Variants in AGPAT3 observed in about 807,000 individuals in gnomAD.
The protein encoded by AGPAT3 is 1-acylglycerol-3-phosphate O-acyltransferase 3.
In AGPAT3, 5 loss-of-function variants were observed where a neutral mutation model predicts 47.3. The observed-to-expected ratio is 0.11, with a 90% CI of 0.06 to 0.22. The LOEUF (loss-of-function observed/expected upper bound fraction) is 0.22, where lower values mean the gene tolerates loss of function less well. Ranked by LOEUF, AGPAT3 falls within the 10% of genes least tolerant of loss-of-function variation. The pLI, the probability that AGPAT3 is intolerant of heterozygous loss-of-function variation, is 1.00. For synonymous variants in AGPAT3, 212 were observed against 208.3 expected (o/e 1.02, Z -0.15); for missense variants, 315 against 493.0 (o/e 0.64, Z 3.42).
intron 1 of AGPAT3, among the ~76,000 whole-genome samples, chr21:43,895,559 C>G (rs1163118229): frequency 7.5e-6 from 1 of 133,260 alleles, no homozygotes; most frequent in Non-Finnish European, 1.6e-5. Context: ...TTTTTGAATT[C>G]CTCTTTTGAA....
rs537061535 is a variant in AGPAT3, at chr21:43,873,192, A to C, written c.-112+7847A>C. 2.0e-5 allele frequency among the ~76,000 whole-genome samples: 3 copies of C among 152,278 alleles called. No homozygotes were observed. In the South Asian group the frequency reaches 6.2e-4, roughly 32 times the overall value. Reference sequence around the variant, plus strand: ...TCATAGTGGCATGGGTGTTGGAGTCAGACCCCGGGAGCTCTCTCAATGCCT... The same window carrying C: ...TCATAGTGGCATGGGTGTTGGAGTCCGACCCCGGGAGCTCTCTCAATGCCT... On this transcript the variant is annotated intron_variant, in intron 1 of 9. Coordinates refer to ENST00000291572, the MANE Select transcript of AGPAT3 (RefSeq NM_020132.5).
chr21:43,973,212 A>C (rs2089468523), intron 7 of AGPAT3, among the ~76,000 whole-genome samples: 1 of 152,230 alleles, frequency 6.6e-6, no homozygotes, highest in African/African-American at 2.4e-5. Context: ...ACGAGCTGAG[A>C]GTTCTCTCCC....
At chr21:43,884,302 C>T (rs948153547) in intron 1 of AGPAT3, among the ~76,000 whole-genome samples, 3 of 143,454 alleles carry the variant, frequency 2.1e-5, no homozygotes, top group Non-Finnish European at 4.6e-5. Context: ...TTCTCTCCTG[C>T]TGAGGGCATT....
intron 1 of AGPAT3, among the ~76,000 whole-genome samples, chr21:43,874,424 T>A (rs2011222537): frequency 6.6e-6 from 1 of 152,262 alleles, no homozygotes; most frequent in African/African-American, 2.4e-5. Flanking sequence ...GTTCAGCATT[T>A]TACAATTTTA....
At chr21:43,943,035 A>C (rs1421724198) in intron 2 of AGPAT3, among the ~76,000 whole-genome samples, 1 of 152,154 alleles carries the variant, frequency 6.6e-6, no homozygotes, top group Admixed American at 6.5e-5. Context: ...CTGGGTGGCC[A>C]GGGTGCATGG....
intron 2 of AGPAT3, among the ~76,000 whole-genome samples, chr21:43,918,976 G>A (rs1461262040): frequency 2.6e-5 from 4 of 151,872 alleles, no homozygotes; most frequent in East Asian, 1.9e-4. Context: ...CATCACCATC[G>A]TTATTACTTA....
chr21:43,981,059 C>T lies in AGPAT3; in HGVS notation c.914C>T (p.Pro305Leu), dbSNP rs143530606. Residue 305 changes from proline (P) to leucine (L), a missense_variant, in exon 9 of 10, where the codon CCG (proline) becomes CTG (leucine). Coordinates refer to ENST00000291572, the MANE Select transcript of AGPAT3 (RefSeq NM_020132.5). The surrounding 1 kb of genome is among the most constrained non-coding windows in gnomAD (Gnocchi z 5.3). Reference sequence around the variant, plus strand: ...GAGCAGTTTAAGCCTGCCCGGAGGCCGTGGACCCTCCTGAACTTCCTGTCC... The same window carrying T: ...GAGCAGTTTAAGCCTGCCCGGAGGCTGTGGACCCTCCTGAACTTCCTGTCC... ...PGEQFKPARR[P>L]WTLLNFLSWA... is the part of the protein sequence containing the mutation. 60 of 1,614,072 alleles carry T rather than the reference C, an allele frequency of 3.7e-5. No homozygotes were observed. In the African/African-American group the frequency reaches 5.7e-4, roughly 15 times the overall value.
rs1012839600 is a variant in AGPAT3, at chr21:43,934,430, C to T, written c.-48-25204C>T. ...CCGTCGGCTGCCTGGCCCTGGCCTG[C>T]GTGGCAGCGCAACCTCGTTGGTAGA... On this transcript the variant is annotated intron_variant, in intron 2 of 9. Transcript: ENST00000291572. The surrounding 1 kb of genome is among the most constrained non-coding windows in gnomAD (Gnocchi z 4.7). 2.6e-5 allele frequency among the ~76,000 whole-genome samples: 4 copies of T among 152,248 alleles called. No individual in the cohort carries two copies. The highest frequency in any genetic ancestry group is 1.9e-4 in the East Asian group (1 of 5,202).
rs1422798346 is a variant in AGPAT3, at chr21:43,985,283, A to G, written c.*2891A>G. 4.4e-6 allele frequency: 2 copies of G among 451,818 alleles called. No individual in the cohort carries two copies. Among genetic ancestry groups the G allele is most frequent in the Admixed American group, 2.4e-5 (1 of 42,196 alleles). 28.0% of individuals were successfully genotyped at this position (451,818 alleles called of 1,614,324 possible). A position where few individuals can be genotyped will look rare whatever the true frequency, so the allele number is the denominator to read the frequency against. ...CGACAGTGTACCAGACGCGCACCCT[A>G]TGTGAGGTGCTTTAAGGTCCCTGTC... On this transcript the variant is annotated 3_prime_UTR_variant, in exon 10 of 10. Coordinates refer to ENST00000291572, the MANE Select transcript of AGPAT3 (RefSeq NM_020132.5).
intron 1 of AGPAT3, among the ~76,000 whole-genome samples, chr21:43,891,859 C>T (rs888604789): frequency 6.6e-6 from 1 of 152,180 alleles, no homozygotes; most frequent in Admixed American, 6.5e-5. Flanking sequence ...GACCCCCTCC[C>T]ATGAATCATG....
At chr21:43,975,487 C>T (rs942388975) in intron 7 of AGPAT3, among the ~76,000 whole-genome samples, 1 of 152,072 alleles carries the variant, frequency 6.6e-6, no homozygotes, top group African/African-American at 2.4e-5. Context: ...GGTGAGGATC[C>T]ATAGGTGGAA....
chr21:43,871,581 C>T (rs2085625240), intron 1 of AGPAT3, among the ~76,000 whole-genome samples: 1 of 152,190 alleles, frequency 6.6e-6, no homozygotes, highest in African/African-American at 2.4e-5. Context: ...TGTTGATTTT[C>T]GCAAAGCTGG....
chr21:43,887,862 C>A (rs1223575861), intron 1 of AGPAT3, among the ~76,000 whole-genome samples: 1 of 152,108 alleles, frequency 6.6e-6, no homozygotes, highest in Non-Finnish European at 1.5e-5. Context: ...CCATGTTGGC[C>A]AGGCTGGTCT....
chr21:43,901,220 C>T (rs1027887647), intron 1 of AGPAT3, among the ~76,000 whole-genome samples: 10 of 150,948 alleles, frequency 6.6e-5, no homozygotes, highest in African/African-American at 1.7e-4. Flanking sequence ...AGCTACTCAA[C>T]GGCAGAGGCA....
chr21:43,865,838 C>T (rs926638593), intron 1 of AGPAT3, among the ~76,000 whole-genome samples: 2 of 152,152 alleles, frequency 1.3e-5, no homozygotes, highest in East Asian at 3.9e-4. Context: ...ACCCGGGACC[C>T]CCCCCAGGGG....
In AGPAT3 at chr21:43,902,867, G is replaced by A. The variant is rs151221011; in HGVS notation, c.-111-1090G>A. The stretch of plus-strand genomic sequence containing the variant: ...TTTAAAAAATTATCTGGGCATGGTG[G>A]CATGCACCTGTAGTCCTAGCTACTT... On this transcript the variant is annotated intron_variant, in intron 1 of 9. Coordinates refer to ENST00000291572, the MANE Select transcript of AGPAT3 (RefSeq NM_020132.5). Among the ~76,000 whole-genome samples, 501 of 152,292 alleles carry A rather than the reference G, an allele frequency of 3.3e-3. 4 individuals carry two copies. The highest frequency in any genetic ancestry group is 3.5e-3 in the Non-Finnish European group (238 of 68,018).
rs116417288 is a variant in AGPAT3 at position 43,889,241 on chromosome 21, G to C, written c.-111-14716G>C. ...TTGGCGACAGAGGGTCCTCACCAAA[G>C]GGAAACCTTCCTTGTTACACTGCTA... On this transcript the variant is annotated intron_variant, in intron 1 of 9. Transcript: ENST00000291572. Among the ~76,000 whole-genome samples, 369 of 151,704 alleles carry C rather than the reference G, an allele frequency of 2.4e-3. 2 individuals carry two copies. The highest frequency in any genetic ancestry group is 8.0e-3 in the African/African-American group (332 of 41,380).
At chr21:43,895,674 A>C (rs527575621) in intron 1 of AGPAT3, among the ~76,000 whole-genome samples, 1 of 152,112 alleles carries the variant, frequency 6.6e-6, no homozygotes, top group East Asian at 1.9e-4. Flanking sequence ...TGCAACCTCC[A>C]CCTCGTGGGT....
At chr21:43,980,167 T>A (rs995708770) in intron 8 of AGPAT3, among the ~76,000 whole-genome samples, 2 of 150,050 alleles carry the variant, frequency 1.3e-5, no homozygotes, top group African/African-American at 2.5e-5. Flanking sequence ...TCCCAGCTAC[T>A]CAGGAGGCTG....
Sources: allele counts gnomAD v4.1 joint callset (sites outside exome capture counted in the v4.1 genomes callset), GRCh38; gene constraint gnomAD v4.1.1; non-coding constraint Gnocchi (gnomAD v3.1); transcripts MANE v1.5; gene names NCBI Gene and HGNC (gene_info 2026-07-23, HGNC 2026-07-21).